CNTNAP4: variants seen among roughly 807,000 people sequenced by gnomAD.
CNTNAP4 encodes the protein contactin associated protein family member 4.
CNTNAP4 carries 98 observed loss-of-function variants against 148.4 expected under a neutral mutation model. That is an observed-to-expected ratio of 0.66 (90% CI 0.56 to 0.78). The LOEUF (loss-of-function observed/expected upper bound fraction) is 0.78, where lower values mean the gene tolerates loss of function less well. CNTNAP4 is among the 30% of genes least tolerant of loss of function. The pLI is 0.00. For synonymous variants in CNTNAP4, 730 were observed against 565.1 expected, an observed-to-expected ratio of 1.29 and a Z score of -4.14; for missense variants, 1,935 against 1,565.6, an observed-to-expected ratio of 1.24 and a Z score of -3.98.
At chr16:76,283,234 A>C (rs1054510603) in intron 1 of CNTNAP4, among the ~76,000 whole-genome samples, 1 of 152,020 alleles carries the variant, frequency 6.6e-6, no homozygotes, top group South Asian at 2.1e-4. Flanking sequence ...ATTTAAAGCT[A>C]TTCTACTTCA....
At chr16:76,446,236 C>A (rs574984296) in intron 4 of CNTNAP4, among the ~76,000 whole-genome samples, 1 of 152,240 alleles carries the variant, frequency 6.6e-6, no homozygotes, top group African/African-American at 2.4e-5. Context: ...GCTATAATAA[C>A]TTTGTCACAT....
chr16:76,390,161 A>T (rs758434993), intron 3 of CNTNAP4, among the ~76,000 whole-genome samples: 3 of 152,118 alleles, frequency 2.0e-5, no homozygotes, highest in Non-Finnish European at 4.4e-5. Context: ...CCTCCCTGGG[A>T]GATGGACAAA....
At chr16:76,497,275 G>C (rs192166602) in intron 14 of CNTNAP4, among the ~76,000 whole-genome samples, 1 of 152,108 alleles carries the variant, frequency 6.6e-6, no homozygotes, top group African/African-American at 2.4e-5. Context: ...GGGGAGCAGC[G>C]TTAAATGAAT....
At chr16:76,441,681 T>C (rs560855231) in intron 4 of CNTNAP4, among the ~76,000 whole-genome samples, 1 of 152,282 alleles carries the variant, frequency 6.6e-6, no homozygotes, top group South Asian at 2.1e-4. Context: ...ACATTGATAA[T>C]TAAGGGTTTC....
chr16:76,435,389 G>T (rs1012662745), intron 4 of CNTNAP4, among the ~76,000 whole-genome samples: 7 of 152,096 alleles, frequency 4.6e-5, no homozygotes, highest in Non-Finnish European at 1.0e-4. Flanking sequence ...TTTTGCCTCT[G>T]CTGTCCATTA....
chr16:76,558,881 C>G lies in CNTNAP4; in HGVS notation c.*198C>G. The stretch of plus-strand genomic sequence containing the variant: ...TTCTCATAGCATTCATTCTATGGAA[C>G]AAGAAATTAGATATTGCTGTTAATT... On this transcript the variant is annotated 3_prime_UTR_variant, in exon 24 of 24. Coordinates refer to ENST00000611870, the MANE Select transcript of CNTNAP4 (RefSeq NM_033401.5). The G allele has an allele frequency of 2.3e-6, 1 of 439,466 alleles. No individual in the cohort carries two copies. The highest frequency in any genetic ancestry group is 4.0e-6 in the Non-Finnish European group (1 of 248,990). 27.2% of individuals were successfully genotyped at this position (439,466 alleles called of 1,614,324 possible). A position where few individuals can be genotyped will look rare whatever the true frequency, so the allele number is the denominator to read the frequency against.
intron 1 of CNTNAP4, among the ~76,000 whole-genome samples, chr16:76,291,009 G>C (rs1236376601): frequency 1.3e-5 from 2 of 151,940 alleles, no homozygotes; most frequent in Non-Finnish European, 2.9e-5. Flanking sequence ...TTCTTATAAG[G>C]GGCCAGTCTT....
intron 21 of CNTNAP4, among the ~76,000 whole-genome samples, chr16:76,551,404 A>AATAT (rs71272457): frequency 3.9e-4 from 55 of 139,500 alleles, no homozygotes; most frequent in East Asian, 3.1e-3. Flanking sequence ...TTAAAAAAAA[A>AATAT]ATATATATAT....
intron 3 of CNTNAP4, among the ~76,000 whole-genome samples, chr16:76,415,900 G>A (rs2078958799): frequency 6.9e-6 from 1 of 145,766 alleles, no homozygotes; most frequent in Non-Finnish European, 1.5e-5. Context: ...CTTTTATTGA[G>A]TAATTTCCCA....
At chr16:76,423,999 T>A (rs1171996554) in intron 3 of CNTNAP4, among the ~76,000 whole-genome samples, 1 of 152,130 alleles carries the variant, frequency 6.6e-6, no homozygotes, top group African/African-American at 2.4e-5. Flanking sequence ...AAGTCCCATA[T>A]CCCCAACCTC....
At chr16:76,284,197 G>A (rs1958794870) in intron 1 of CNTNAP4, among the ~76,000 whole-genome samples, 1 of 151,916 alleles carries the variant, frequency 6.6e-6, no homozygotes, top group Non-Finnish European at 1.5e-5. Context: ...GCTTAAATAG[G>A]AGATGTTTCC....
chr16:76,494,795 T>G (rs1285167038), intron 13 of CNTNAP4, 115 bp from the exon 14 acceptor site: 2 of 1,119,048 alleles, frequency 1.8e-6, no homozygotes, highest in Non-Finnish European at 2.6e-6. Context: ...CCAATCAATC[T>G]TTCTCCTTTT....
At chr16:76,368,232 C>T (rs2014387706) in intron 3 of CNTNAP4, among the ~76,000 whole-genome samples, 1 of 152,134 alleles carries the variant, frequency 6.6e-6, no homozygotes, top group African/African-American at 2.4e-5. Flanking sequence ...AAAGCTACAG[C>T]TTAGAGATTA....
At chr16:76,395,065 G>A (rs971952978) in intron 3 of CNTNAP4, among the ~76,000 whole-genome samples, 6 of 151,996 alleles carry the variant, frequency 3.9e-5, no homozygotes, top group Non-Finnish European at 5.9e-5. Context: ...TGTTTGAAAC[G>A]GTTTACTTCT....
At chr16:76,353,121 AC>A (rs1188461979) in intron 2 of CNTNAP4, among the ~76,000 whole-genome samples, 1 of 152,160 alleles carries the variant, frequency 6.6e-6, no homozygotes, top group Non-Finnish European at 1.5e-5. Context: ...CATAAACAAA[AC>A]TTGTAGCATG....
At chr16:76,499,809 G>T (rs560789542) in intron 15 of CNTNAP4, among the ~76,000 whole-genome samples, 1,941 of 151,814 alleles carry the variant, frequency 0.013, 18 homozygotes, top group South Asian at 0.024. Context: ...AGCACATCTT[G>T]CACCGCCCTT....
intron 17 of CNTNAP4, among the ~76,000 whole-genome samples, chr16:76,522,683 TC>T: frequency 1.1e-5 from 1 of 93,434 alleles, no homozygotes; most frequent in Non-Finnish European, 2.2e-5. Context: ...TCTCTCTTTC[TC>T]TCCTTTCTTT....
intron 3 of CNTNAP4, among the ~76,000 whole-genome samples, chr16:76,368,876 G>A (rs778876079): frequency 3.3e-5 from 5 of 151,872 alleles, no homozygotes; most frequent in Admixed American, 6.6e-5. Flanking sequence ...GTTTACACTC[G>A]CCCCATTTGA....
chr16:76,382,124 G>A (rs547509837), intron 3 of CNTNAP4, among the ~76,000 whole-genome samples: 1 of 149,414 alleles, frequency 6.7e-6, no homozygotes, highest in East Asian at 2.0e-4. Context: ...ATAGGGGAGG[G>A]ATAGAACAGA....
Sources: gnomAD v4.1 joint callset for allele counts (sites outside exome capture counted in the v4.1 genomes callset) on GRCh38, gnomAD v4.1.1 for gene constraint, MANE v1.5 for transcripts, NCBI Gene and HGNC (gene_info 2026-07-23, HGNC 2026-07-21) for gene names.